The following MRPS22 variants were observed in gnomAD, a reference collection of about 807,000 sequenced individuals.
The protein encoded by MRPS22 is mitochondrial ribosomal protein S22.
A neutral mutation model predicts 44.0 loss-of-function variants in MRPS22; 30 were observed. The ratio of observed to expected loss-of-function variants is 0.68; its 90% CI spans 0.51 to 0.93. MRPS22 has a LOEUF of 0.93. Among genes scored for constraint, MRPS22 ranks in the 40% least tolerant of loss-of-function variants. The pLI, the probability that MRPS22 is intolerant of heterozygous loss-of-function variation, is 0.00. For synonymous variants in MRPS22, 165 were observed against 154.4 expected, an observed-to-expected ratio of 1.07 and a Z score of -0.51; for missense variants, 447 against 447.8, an observed-to-expected ratio of 1.00 and a Z score of 0.02.
At chr3:139,357,135 C>T (rs1941298899), downstream of MRPS22, 2 of 802,278 alleles carry the variant, frequency 2.5e-6, no homozygotes, top group Non-Finnish European at 2.1e-6. Context: ...CCCTACAAAG[C>T]AAAAATTATT....
chr3:139,350,186 T>A lies in MRPS22; in HGVS notation c.512T>A (p.Phe171Tyr). Residue 171 changes from phenylalanine to tyrosine, a missense_variant, in exon 4 of 8, where the codon TTT becomes TAT. Transcript: ENST00000680020. ...TATGTTTTTCTATTTTAGGAGCGTT[T>A]TATTGTCGTCAGAGAACCAAGTGGC... The part of the protein sequence containing the change: ...ISYSIPHRER[F>Y]IVVREPSGTL... 1.2e-6 allele frequency: 2 copies of A among 1,614,190 alleles called. No individual in the cohort carries two copies. Among genetic ancestry groups the A allele is most frequent in the Non-Finnish European group, 8.5e-7 (1 of 1,180,014 alleles).
chr3:139,354,189 A>G (rs1941202938), intron 6 of MRPS22, among the ~76,000 whole-genome samples: 1 of 152,224 alleles, frequency 6.6e-6, no homozygotes, highest in South Asian at 2.1e-4. Flanking sequence ...TGGAGCTCAG[A>G]AAAGAATTAG....
Position 139,350,225 on chromosome 3 carries a change from C to T in MRPS22, c.551C>T (p.Ala184Val). ...VREPSGTLRK[A>V]SWEERDRMIQ... is the part of the protein sequence containing the mutation. ...GAACCAAGTGGCACACTACGCAAAG[C>T]CTCTTGGGAAGAACGGGACCGAATG... Residue 184 changes from alanine to valine, a missense_variant, in exon 4 of 8, where the codon GCC becomes GTC. Coordinates refer to ENST00000680020, the MANE Select transcript of MRPS22 (RefSeq NM_020191.4). 1.2e-6 allele frequency: 2 copies of T among 1,614,100 alleles called. No individual in the cohort carries two copies. The highest frequency in any genetic ancestry group is 1.7e-6 in the Non-Finnish European group (2 of 1,180,006).
Position 139,357,110 on chromosome 3 carries a change from T to G in MRPS22, c.*96T>G. ...TAAAAAATGGCCAGATTAAAAGATA[T>G]CAATTTGTAGTTCTCCCTACAAAGC... On this transcript the variant is annotated 3_prime_UTR_variant, in exon 8 of 8. Transcript: ENST00000680020. The G allele has an allele frequency of 1.9e-6, 2 of 1,057,126 alleles. No individual in the cohort carries two copies. The highest frequency in any genetic ancestry group is 2.6e-5 in the East Asian group (1 of 38,294). The allele number at this position is 1,057,126 out of a possible 1,614,324, so 65.5% of individuals were successfully genotyped here.
rs752470435 is a variant in MRPS22 at position 139,344,150 on chromosome 3, T to G, written c.124T>G (p.Cys42Gly). ...WHGGLLQPLPCSFEMGLPRRR... is the reference protein window; with the variant it reads ...WHGGLLQPLPGSFEMGLPRRR... The stretch of plus-strand genomic sequence containing the variant: ...CGGTGGCCTGCTCCAACCGCTACCT[T>G]GCTCTTTCGAGATGGGGCTGCCACG... Residue 42 changes from cysteine to glycine, a missense_variant, in exon 1 of 8, where the codon TGC becomes GGC. Cys to Gly is a radical substitution (Grantham distance 159). Transcript: ENST00000680020. 61 of 1,613,262 alleles carry G rather than the reference T, an allele frequency of 3.8e-5. No individual in the cohort carries two copies. The highest frequency in any genetic ancestry group is 4.6e-5 in the Non-Finnish European group (54 of 1,179,772).
chr3:139,344,034 C>T lies in MRPS22; in HGVS notation c.8C>T (p.Pro3Leu). The change falls in exon 1 of 8, where the codon CCC becomes CTC. Residue 3 changes from proline (P) to leucine (L), a missense_variant. Physicochemically the swap from Pro to Leu is moderately conservative, Grantham distance 98. Transcript: ENST00000680020. ...AAGTGGCTTCTGATAATCATGGCGC[C>T]CCTCGGAACAACTGTATTGCTGTGG... is the stretch of plus-strand genomic sequence containing the variant. MAPLGTTVLLWSL... is the reference protein window; with the variant it reads MALLGTTVLLWSL... 2 of 1,614,212 alleles carry T rather than the reference C, an allele frequency of 1.2e-6. No homozygotes were observed. Among genetic ancestry groups the T allele is most frequent in the South Asian group, 1.1e-5 (1 of 91,086 alleles).
chr3:139,352,584 G>C, intron 5 of MRPS22, 63 bp from the exon 6 acceptor site: 1 of 1,491,156 alleles, frequency 6.7e-7, no homozygotes, highest in Non-Finnish European at 9.3e-7. Flanking sequence ...ATCAGTGTAC[G>C]TTGAATAATG....
chr3:139,346,362 C>A (rs1404433366), intron 1 of MRPS22, among the ~76,000 whole-genome samples: 1 of 152,168 alleles, frequency 6.6e-6, no homozygotes, highest in African/African-American at 2.4e-5. Context: ...TATGTCTCCC[C>A]ACACCTCCCA....
In MRPS22 at chr3:139,347,031, C is replaced by A. The variant is rs1350633170; in HGVS notation, c.326C>A (p.Ala109Glu). The stretch of plus-strand genomic sequence containing the variant: ...CCAACCTATAAGCTAATGACTCAGG[C>A]ACAGTTGGAAGAGGTACGTGAATGC... ...KPPTYKLMTQ[A>E]QLEEATRQAV... Residue 109 changes from alanine to glutamate, a missense_variant, in exon 2 of 8, where the codon GCA (alanine) becomes GAA (glutamate). By Grantham distance (107) the Ala-to-Glu change is moderately radical. Coordinates refer to ENST00000680020, the MANE Select transcript of MRPS22 (RefSeq NM_020191.4). The A allele has an allele frequency of 6.2e-7, 1 of 1,614,166 alleles. No homozygotes were observed.
chr3:139,354,614 G>A (rs1941210536), intron 6 of MRPS22, among the ~76,000 whole-genome samples: 3 of 152,162 alleles, frequency 2.0e-5, no homozygotes, highest in Admixed American at 2.0e-4. Context: ...TAGGGTAGAT[G>A]AGCCTCAGTA....
At chr3:139,344,272 C>A in intron 1 of MRPS22, 74 bp downstream of exon 1, 3 of 1,461,996 alleles carry the variant, frequency 2.1e-6, no homozygotes, top group Non-Finnish European at 2.8e-6. Flanking sequence ...AGGCGAAAAC[C>A]ACGCGATAGC....
intron 2 of MRPS22, 76 bp from the exon 3 acceptor site, chr3:139,348,084 A>C: frequency 6.8e-7 from 1 of 1,466,600 alleles, no homozygotes. Flanking sequence ...ATTTTTTATT[A>C]GTATGTGCTT....
chr3:139,349,459 G>A, intron 3 of MRPS22: 2 of 304,448 alleles, frequency 6.6e-6, no homozygotes, highest in South Asian at 2.7e-5. Flanking sequence ...TCAGCAATGT[G>A]CAAAGCTCCA....
chr3:139,344,625 T>A, intron 1 of MRPS22: 1 of 673,098 alleles, frequency 1.5e-6, no homozygotes, highest in South Asian at 1.6e-5. Context: ...TTAGCCATGC[T>A]AAGGAGAAAG....
intron 1 of MRPS22, among the ~76,000 whole-genome samples, chr3:139,345,447 TTTG>T (rs1418163133): frequency 2.8e-5 from 4 of 140,682 alleles, no homozygotes; most frequent in South Asian, 2.2e-4. Context: ...TGTTTTTTTT[TTTG>T]TTTTTTTTTT....
chr3:139,350,154 C>T lies in MRPS22; in HGVS notation c.505-25C>T, dbSNP rs375053068. The stretch of plus-strand genomic sequence containing the variant: ...TAAAAATACGTCCTCACAAACGCAT[C>T]CTTGATTATGTTTTTCTATTTTAGG... On this transcript the variant is annotated intron_variant, in intron 3 of 7. Coordinates refer to ENST00000680020, the MANE Select transcript of MRPS22 (RefSeq NM_020191.4). 5.6e-6 allele frequency: 9 copies of T among 1,613,788 alleles called. No individual in the cohort carries two copies. In the African/African-American group the frequency reaches 1.1e-4, roughly 19 times the overall value.
Position 139,355,746 on chromosome 3 carries a change from C to T in MRPS22, c.943C>T (p.Gln315Ter), listed in dbSNP as rs1213548174. ...HVLHPDGQSAQGAKDQAAEGI... is the reference protein window; with the variant it reads ...HVLHPDGQSA ...GCTCCATCCAGATGGCCAGTCGGCT[C>T]AAGGGGCCAAGGATCAGGCTGCTGA... The change falls in exon 7 of 8, where the codon CAA (glutamine) becomes TAA (stop). Residue 315 changes from glutamine to a stop codon, truncating the protein, a stop_gained. Transcript: ENST00000680020. LOFTEE classifies it high-confidence loss of function. 3 of 1,614,122 alleles carry T rather than the reference C, an allele frequency of 1.9e-6. No homozygotes were observed. Among genetic ancestry groups the T allele is most frequent in the Non-Finnish European group, 2.5e-6 (3 of 1,180,006 alleles).
At chr3:139,355,841 A>C in intron 7 of MRPS22, 51 bp downstream of exon 7, 1 of 1,345,708 alleles carries the variant, frequency 7.4e-7, no homozygotes, top group South Asian at 1.2e-5. Context: ...TTGAGCTGGG[A>C]AAAATTCAGA....
chr3:139,344,510 G>A, intron 1 of MRPS22: 1 of 610,708 alleles, frequency 1.6e-6, no homozygotes, highest in Non-Finnish European at 2.9e-6. Context: ...TGGCAGTGCA[G>A]TGTGACCCGG....
Sources: allele counts gnomAD v4.1 joint callset (sites outside exome capture counted in the v4.1 genomes callset), GRCh38; gene constraint gnomAD v4.1.1; transcripts MANE v1.5; gene names NCBI Gene and HGNC (gene_info 2026-07-23, HGNC 2026-07-21).